Variants in CELSR1 observed in about 807,000 individuals in gnomAD.
CELSR1 encodes the protein adhesion G protein-coupled receptor C1.
Under a neutral mutation model 249.1 loss-of-function variants are expected in CELSR1, and 110 were observed. The observed-to-expected ratio is 0.44, with a 90% CI of 0.38 to 0.52. The LOEUF (loss-of-function observed/expected upper bound fraction) is 0.52, where lower values mean the gene tolerates loss of function less well. Among genes scored for constraint, CELSR1 ranks in the 20% least tolerant of loss-of-function variants. The pLI, the probability that CELSR1 is intolerant of heterozygous loss-of-function variation, is 0.00. For missense variants in CELSR1, 4,109 were observed against 4,296.4 expected, an observed-to-expected ratio of 0.96 and a Z score of 1.22; for synonymous variants, 2,113 against 1,900.0, an observed-to-expected ratio of 1.11 and a Z score of -2.92.
At chr22:46,377,489 G>C (rs898845730) in intron 23 of CELSR1, 1 of 569,204 alleles carries the variant, frequency 1.8e-6, no homozygotes, top group Non-Finnish European at 3.1e-6. Flanking sequence ...GCGGCAGCAC[G>C]CCAGGCTCCC....
rs917359098 is a variant in CELSR1, at chr22:46,373,037, G to A, written c.7605C>T (p.Ala2535=). ...TENPFLCTVV[A]ILLHYIYMST... is the part of the protein sequence containing the mutation. The stretch of plus-strand genomic sequence containing the variant: ...TCATGTAGATGTAGTGGAGGAGGAT[G>A]GCAACCACTGTGCACAGAAACTGCG... The change falls in exon 25 of 35, where the codon GCC becomes GCT. Residue 2535 remains alanine (A), a synonymous_variant. Transcript: ENST00000674500. The A allele has an allele frequency of 6.2e-7, 1 of 1,609,734 alleles. No individual in the cohort carries two copies. The highest frequency in any genetic ancestry group is 1.7e-5 in the Admixed American group (1 of 59,608).
In CELSR1 at chr22:46,468,066, G is replaced by T. The variant is rs903276221; in HGVS notation, c.3545-3721C>A. On this transcript the variant is annotated intron_variant, in intron 1 of 34. Transcript: ENST00000674500. The surrounding 1 kb of genome is among the most constrained non-coding windows in gnomAD (Gnocchi z 4.5). Reference sequence around the variant, plus strand: ...AAGAGCTGAAACATGGAAGTGACCTGCGTCCACCGACAGATTAACGGATTA... The same window carrying T: ...AAGAGCTGAAACATGGAAGTGACCTTCGTCCACCGACAGATTAACGGATTA... 6.6e-6 allele frequency among the ~76,000 whole-genome samples: 1 copy of T among 152,102 alleles called. No individual in the cohort carries two copies. Among genetic ancestry groups the T allele is most frequent in the East Asian group, 1.9e-4 (1 of 5,180 alleles).
At position 46,367,672 on chromosome 22, in the gene CELSR1, G is replaced by A. The variant is rs1311792844; in HGVS notation, c.8079+57C>T. The A allele has an allele frequency of 5.1e-6, 8 of 1,556,482 alleles. No homozygotes were observed. In the East Asian group the frequency reaches 1.9e-4, roughly 37 times the overall value. ...GAGGCCTCCACTGCTTCGCATCACA[G>A]CGATGGTGTCACGGCGGCCAGGCAG... On this transcript the variant is annotated intron_variant, in intron 28 of 34. Coordinates refer to ENST00000674500, the MANE Select transcript of CELSR1 (RefSeq NM_001378328.1).
In CELSR1 at chr22:46,439,173, C is replaced by G. The variant is rs374807738; in HGVS notation, c.4406+16G>C. ...CTAAAGAGACCCCCGTGTGGCGCGG[C>G]GGGACGCACACTCACGTGAGGGAGA... On this transcript the variant is annotated intron_variant, in intron 3 of 34. Coordinates refer to ENST00000674500, the MANE Select transcript of CELSR1 (RefSeq NM_001378328.1). 1 of 1,603,844 alleles carries G rather than the reference C, an allele frequency of 6.2e-7. No individual in the cohort carries two copies. Among genetic ancestry groups the G allele is most frequent in the African/African-American group, 1.3e-5 (1 of 74,894 alleles).
intron 1 of CELSR1, among the ~76,000 whole-genome samples, chr22:46,496,267 G>C (rs1390428344): frequency 6.7e-6 from 1 of 149,916 alleles, no homozygotes; most frequent in Non-Finnish European, 1.5e-5. Flanking sequence ...TTGTACAGCT[G>C]TTCAAAAATA....
In CELSR1 at chr22:46,445,671, T is replaced by C. The variant is rs1249254620; in HGVS notation, c.4184-6260A>G. 6.6e-6 allele frequency among the ~76,000 whole-genome samples: 1 copy of C among 152,200 alleles called. No homozygotes were observed. Among genetic ancestry groups the C allele is most frequent in the African/African-American group, 2.4e-5 (1 of 41,456 alleles). On this transcript the variant is annotated intron_variant, in intron 2 of 34. Coordinates refer to ENST00000674500, the MANE Select transcript of CELSR1 (RefSeq NM_001378328.1). This position sits in a 1 kb window ranked among gnomAD's most constrained non-coding sequence, Gnocchi z 4.4. ...GGAGCCACTGCTGAATTCACTACAG[T>C]GGCCCTCCGTGTTTGTCCTGGAATT...
rs751103270 is a variant in CELSR1, at chr22:46,379,903, C to T, written c.7256+885G>A. On this transcript the variant is annotated intron_variant, in intron 22 of 34. Coordinates refer to ENST00000674500, the MANE Select transcript of CELSR1 (RefSeq NM_001378328.1). ...CCCCTCCCTGACTGTGCTCCCATCCCGGCAACAGGGCCCTTCCCACCACAC... is the reference window on the plus strand; with the variant it reads ...CCCCTCCCTGACTGTGCTCCCATCCTGGCAACAGGGCCCTTCCCACCACAC... Among the ~76,000 whole-genome samples the T allele has an allele frequency of 1.2e-4, 18 of 152,312 alleles. No individual in the cohort carries two copies. The East Asian group carries it at 1.7e-3, about 15-fold the overall frequency.
intron 1 of CELSR1, chr22:46,481,398 C>T: frequency 1.7e-6 from 2 of 1,202,358 alleles, no homozygotes; most frequent in Non-Finnish European, 1.2e-6. Flanking sequence ...TGTGGTCATC[C>T]ACACACTTGG....
At chr22:46,372,852 T>A (rs2078870473) in intron 25 of CELSR1, 31 bp downstream of exon 25, 1 of 1,567,600 alleles carries the variant, frequency 6.4e-7, no homozygotes, top group African/African-American at 1.4e-5. Context: ...AAATCTGTGG[T>A]TTTATGCAGG....
rs1451279410 is a variant in CELSR1 at position 46,407,086 on chromosome 22, G to T, written c.5226+1910C>A. On this transcript the variant is annotated intron_variant, in intron 9 of 34. Transcript: ENST00000674500. This position sits in a 1 kb window ranked among gnomAD's most constrained non-coding sequence, Gnocchi z 4.8. Reference sequence around the variant, plus strand: ...AGGCAGGAGAGGAGGCTAACCTAAGGGCAGCATCTCTGTGCGCTGAAGGGA... The same window carrying T: ...AGGCAGGAGAGGAGGCTAACCTAAGTGCAGCATCTCTGTGCGCTGAAGGGA... 6.6e-6 allele frequency among the ~76,000 whole-genome samples: 1 copy of T among 152,168 alleles called. No homozygotes were observed. Among genetic ancestry groups the T allele is most frequent in the Non-Finnish European group, 1.5e-5 (1 of 68,018 alleles).
chr22:46,523,555 T>TAAATAAATAAATAAATA (rs1381881715), intron 1 of CELSR1, among the ~76,000 whole-genome samples: 532 of 114,332 alleles, frequency 4.7e-3, no homozygotes, highest in African/African-American at 0.014. Flanking sequence ...AATAAATAAA[T>TAAATAAATAAATAAATA]AAATAAAATA....
At chr22:46,378,495 G>A (rs2078942289) in intron 23 of CELSR1, 96 bp downstream of exon 23, 2 of 1,401,146 alleles carry the variant, frequency 1.4e-6, no homozygotes, top group Non-Finnish European at 1.9e-6. Context: ...GCAGGTTTGA[G>A]GACGGGCAGG....
In CELSR1 at chr22:46,437,542, G is replaced by A. The variant is rs2079677721; in HGVS notation, c.4407-1253C>T. On this transcript the variant is annotated intron_variant, in intron 3 of 34. Transcript: ENST00000674500. This position sits in a 1 kb window ranked among gnomAD's most constrained non-coding sequence, Gnocchi z 4.9. ...AGGCCGAGGTGGGTGGATCACCTGA[G>A]GTCAGGTTGACCAGCCTGGCCAACA... is the stretch of plus-strand genomic sequence containing the variant. Among the ~76,000 whole-genome samples the A allele has an allele frequency of 6.6e-6, 1 of 152,254 alleles. No homozygotes were observed. The highest frequency in any genetic ancestry group is 6.5e-5 in the Admixed American group (1 of 15,290).
At chr22:46,367,682 C>A in intron 28 of CELSR1, 47 bp downstream of exon 28, 1 of 1,562,638 alleles carries the variant, frequency 6.4e-7, no homozygotes, top group South Asian at 1.2e-5. Context: ...GCGATGGTGT[C>A]ACGGCGGCCA....
In CELSR1 at chr22:46,398,750, A is replaced by T; in HGVS notation, c.5413-113T>A. On this transcript the variant is annotated intron_variant, in intron 10 of 34. Coordinates refer to ENST00000674500, the MANE Select transcript of CELSR1 (RefSeq NM_001378328.1). The surrounding 1 kb of genome is among the most constrained non-coding windows in gnomAD (Gnocchi z 7.2). The stretch of plus-strand genomic sequence containing the variant: ...AAACAGTCACTTCAACAAACTCCGC[A>T]GAGCCTGAGGACATCTGGGCCTCCA... 1.3e-6 allele frequency: 1 copy of T among 782,570 alleles called. No individual in the cohort carries two copies. Among genetic ancestry groups the T allele is most frequent in the Non-Finnish European group, 2.0e-6 (1 of 497,596 alleles). 48.5% of individuals were successfully genotyped at this position (782,570 alleles called of 1,614,324 possible).
At chr22:46,421,882 G>A (rs895390912) in intron 5 of CELSR1, among the ~76,000 whole-genome samples, 1 of 152,218 alleles carries the variant, frequency 6.6e-6, no homozygotes, top group Non-Finnish European at 1.5e-5. Context: ...CTTTCACGCA[G>A]CCACGGAACA....
Position 46,364,072 on chromosome 22 carries a change from G to GCTCC in CELSR1, c.8955_8958dup (p.Pro2987GlyfsTer5). ...ACCCCGTTGAGGTGGTCACGCCCCG[G>GCTCC]CTCCCTCCCAGGGCTCTTGACTGTG... On this transcript the variant is annotated frameshift_variant, in exon 34 of 35. Coordinates refer to ENST00000674500, the MANE Select transcript of CELSR1 (RefSeq NM_001378328.1). LOFTEE classifies it high-confidence loss of function. 1 of 1,612,316 alleles carries GCTCC rather than the reference G, an allele frequency of 6.2e-7. No homozygotes were observed. The highest frequency in any genetic ancestry group is 8.5e-7 in the Non-Finnish European group (1 of 1,179,670).
At chr22:46,419,620 A>G (rs930506779) in intron 5 of CELSR1, among the ~76,000 whole-genome samples, 24 of 152,222 alleles carry the variant, frequency 1.6e-4, no homozygotes, top group African/African-American at 5.8e-4. Flanking sequence ...AGAAAACTTC[A>G]GGAAGGATGG....
chr22:46,433,633 C>T lies in CELSR1; in HGVS notation c.4523-152G>A, dbSNP rs2079623064. On this transcript the variant is annotated intron_variant, in intron 4 of 34. Transcript: ENST00000674500. This position sits in a 1 kb window ranked among gnomAD's most constrained non-coding sequence, Gnocchi z 5.7. Reference sequence around the variant, plus strand: ...ACGGCACCATGGTGGGAGGCGCCCACCACTCCATCCATTTTCTTTTCTGGT... The same window carrying T: ...ACGGCACCATGGTGGGAGGCGCCCATCACTCCATCCATTTTCTTTTCTGGT... 1 of 606,466 alleles carries T rather than the reference C, an allele frequency of 1.6e-6. No individual in the cohort carries two copies. Among genetic ancestry groups the T allele is most frequent in the Non-Finnish European group, 3.0e-6 (1 of 336,996 alleles). 37.6% of individuals were successfully genotyped at this position (606,466 alleles called of 1,614,324 possible).
Sources: gnomAD v4.1 joint callset for allele counts (sites outside exome capture counted in the v4.1 genomes callset) on GRCh38, gnomAD v4.1.1 for gene constraint, Gnocchi (gnomAD v3.1) non-coding constraint, MANE v1.5 for transcripts, NCBI Gene and HGNC (gene_info 2026-07-23, HGNC 2026-07-21) for gene names.